ALK: variants seen among roughly 807,000 people sequenced by gnomAD.
ALK encodes the protein ALK tyrosine kinase receptor.
ALK carries 74 observed loss-of-function variants against 163.1 expected under a neutral mutation model. The ratio of observed to expected loss-of-function variants is 0.45; its 90% confidence interval spans 0.38 to 0.55. ALK has a LOEUF of 0.55. Ranked by LOEUF, ALK falls within the 20% of genes least tolerant of loss-of-function variation. ALK has a pLI of 0.00. For synonymous variants in ALK, 960 were observed against 843.2 expected (o/e 1.14, Z -2.40); for missense variants, 2,063 against 2,105.3 (o/e 0.98, Z 0.39).
chr2:29,485,029 C>T (rs1671747426), intron 4 of ALK, among the ~76,000 whole-genome samples: 1 of 151,996 alleles, frequency 6.6e-6, no homozygotes, highest in African/African-American at 2.4e-5. Context: ...TATCTTAATC[C>T]TGCTGCCTAG....
At chr2:29,282,642 G>A (rs556043948) in intron 9 of ALK, among the ~76,000 whole-genome samples, 30 of 152,298 alleles carry the variant, frequency 2.0e-4, no homozygotes, top group African/African-American at 7.2e-4. Flanking sequence ...CCAGGAGCAT[G>A]AGTAAAAGTC....
At chr2:29,464,858 A>G (rs1482507876) in intron 4 of ALK, among the ~76,000 whole-genome samples, 2 of 152,226 alleles carry the variant, frequency 1.3e-5, no homozygotes, top group Non-Finnish European at 2.9e-5. Context: ...ACCTTGTTGT[A>G]GAGGAACAGA....
intron 5 of ALK, among the ~76,000 whole-genome samples, chr2:29,330,207 C>T (rs1320316324): frequency 6.6e-6 from 1 of 152,202 alleles, no homozygotes; most frequent in African/African-American, 2.4e-5. Flanking sequence ...TGATCTGGGC[C>T]TAAGTTGCTT....
chr2:29,388,805 A>G (rs1490300448), intron 4 of ALK, among the ~76,000 whole-genome samples: 4 of 152,224 alleles, frequency 2.6e-5, no homozygotes, highest in African/African-American at 9.6e-5. Flanking sequence ...AGGTATTGCA[A>G]TTTATGAGTA....
At chr2:29,361,558 G>A (rs1051504183) in intron 5 of ALK, among the ~76,000 whole-genome samples, 3 of 152,236 alleles carry the variant, frequency 2.0e-5, no homozygotes, top group African/African-American at 7.2e-5. Flanking sequence ...CTGAGCTGTG[G>A]TTCTGACTCA....
At chr2:29,247,779 C>T (rs959530090) in intron 12 of ALK, among the ~76,000 whole-genome samples, 5 of 152,080 alleles carry the variant, frequency 3.3e-5, no homozygotes, top group Non-Finnish European at 5.9e-5. Context: ...TCAGTGGAGC[C>T]GTCCCAGTGC....
At chr2:29,448,743 G>A (rs937105891) in intron 4 of ALK, among the ~76,000 whole-genome samples, 3 of 152,150 alleles carry the variant, frequency 2.0e-5, no homozygotes, top group Non-Finnish European at 4.4e-5. Flanking sequence ...AGCCATGCAG[G>A]TGAATAAAAA....
intron 11 of ALK, among the ~76,000 whole-genome samples, chr2:29,258,228 A>G (rs950076060): frequency 5.3e-5 from 8 of 152,142 alleles, no homozygotes; most frequent in African/African-American, 1.9e-4. Flanking sequence ...GCAGTTCAAC[A>G]TGTTCTCTGT....
chr2:29,252,370 A>G (rs983241578), intron 11 of ALK, among the ~76,000 whole-genome samples: 1 of 152,234 alleles, frequency 6.6e-6, no homozygotes, highest in African/African-American at 2.4e-5. Context: ...TTCCCTTAAA[A>G]GAGAGATTAA....
intron 1 of ALK, among the ~76,000 whole-genome samples, chr2:29,872,639 C>A (rs976705568): frequency 2.6e-5 from 4 of 152,186 alleles, no homozygotes; most frequent in African/African-American, 9.6e-5. Context: ...TACTGCATAT[C>A]ATTGGCCCAG....
chr2:29,821,383 A>G (rs983123348), intron 1 of ALK, among the ~76,000 whole-genome samples: 7 of 151,598 alleles, frequency 4.6e-5, no homozygotes, highest in African/African-American at 1.7e-4. Flanking sequence ...TCAAGGATCT[A>G]CCACTTGGGA....
chr2:29,431,818 T>C (rs1057020882), intron 4 of ALK, among the ~76,000 whole-genome samples: 1 of 151,960 alleles, frequency 6.6e-6, no homozygotes, highest in Non-Finnish European at 1.5e-5. Flanking sequence ...ACAAAACAAA[T>C]AGGATTGAGG....
At chr2:29,194,182 AGAG>A (rs1372074949) in intron 28 of ALK, among the ~76,000 whole-genome samples, 2 of 152,166 alleles carry the variant, frequency 1.3e-5, no homozygotes, top group African/African-American at 4.8e-5. Flanking sequence ...AAAGCTTTGC[AGAG>A]GAGGAGACCT....
At chr2:29,615,539 T>C (rs925430811) in intron 3 of ALK, among the ~76,000 whole-genome samples, 2 of 152,226 alleles carry the variant, frequency 1.3e-5, no homozygotes, top group African/African-American at 4.8e-5. Flanking sequence ...TCATAGTAAG[T>C]GCTTCAATAC....
intron 1 of ALK, among the ~76,000 whole-genome samples, chr2:29,843,055 C>G (rs1409269092): frequency 3.3e-5 from 5 of 152,130 alleles, no homozygotes; most frequent in African/African-American, 4.8e-5. Context: ...GCAGCTGGAC[C>G]AAATGGCAGG....
intron 3 of ALK, among the ~76,000 whole-genome samples, chr2:29,661,131 T>A (rs1573535611): frequency 6.6e-6 from 1 of 152,164 alleles, no homozygotes; most frequent in East Asian, 1.9e-4. Flanking sequence ...TGTTGACTCA[T>A]TTAAATCTCA....
chr2:29,626,885 T>C (rs563134473), intron 3 of ALK, among the ~76,000 whole-genome samples: 25 of 152,308 alleles, frequency 1.6e-4, no homozygotes, highest in African/African-American at 5.5e-4. Context: ...TCTGCAGAGA[T>C]AGTGCCTGGG....
intron 1 of ALK, among the ~76,000 whole-genome samples, chr2:29,899,249 G>A (rs781447263): frequency 2.4e-4 from 36 of 152,194 alleles, no homozygotes; most frequent in South Asian, 6.2e-4. Context: ...CTTTGGCATC[G>A]TGTGAGGCAG....
chr2:29,285,997 A>G (rs1665846845), intron 9 of ALK, among the ~76,000 whole-genome samples: 3 of 152,262 alleles, frequency 2.0e-5, no homozygotes, highest in Middle Eastern at 3.4e-3. Context: ...CACAAAAAAC[A>G]TTTCTGCATC....
Sources: gnomAD v4.1 joint callset for allele counts (sites outside exome capture counted in the v4.1 genomes callset) on GRCh38, gnomAD v4.1.1 for gene constraint, MANE v1.5 for transcripts, NCBI Gene and HGNC (gene_info 2026-07-23, HGNC 2026-07-21) for gene names.